The following PLA2G4A variants were observed in gnomAD, a reference collection of about 807,000 sequenced individuals.
PLA2G4A encodes the protein phospholipase A2 group IVA, also known as cytosolic phospholipase A2.
PLA2G4A carries 40 observed loss-of-function variants against 81.9 expected under a neutral mutation model. That is an observed-to-expected ratio of 0.49 (90% CI 0.38 to 0.64). PLA2G4A has a LOEUF of 0.64. Among genes scored for constraint, PLA2G4A ranks in the 30% least tolerant of loss-of-function variants. PLA2G4A has a pLI of 0.00. For synonymous variants in PLA2G4A, 302 were observed against 296.9 expected (o/e 1.02, Z -0.18); for missense variants, 715 against 905.1 (o/e 0.79, Z 2.69).
chr1:186,840,912 C>A (rs1651956207), intron 1 of PLA2G4A, among the ~76,000 whole-genome samples: 1 of 152,190 alleles, frequency 6.6e-6, no homozygotes, highest in African/African-American at 2.4e-5. Flanking sequence ...AGCATATTTG[C>A]AAAATGTCCA....
intron 3 of PLA2G4A, among the ~76,000 whole-genome samples, chr1:186,877,051 G>A (rs923566521): frequency 6.6e-6 from 1 of 151,970 alleles, no homozygotes; most frequent in Non-Finnish European, 1.5e-5. Context: ...GATATTTAGG[G>A]AAACATTATC....
chr1:186,910,574 C>T lies in PLA2G4A; in HGVS notation c.417-674C>T, dbSNP rs565217521. 8.1e-4 allele frequency among the ~76,000 whole-genome samples: 124 copies of T among 152,200 alleles called. 1 individual carries two copies. The highest frequency in any genetic ancestry group is 2.9e-3 in the African/African-American group (122 of 41,544). On this transcript the variant is annotated intron_variant, in intron 6 of 17. Coordinates refer to ENST00000367466, the MANE Select transcript of PLA2G4A (RefSeq NM_024420.3). ...TAATAATATGTAGTGATACTCCCAT[C>T]GTTCTTGCAATGATTCATACGTAAT...
intron 12 of PLA2G4A, among the ~76,000 whole-genome samples, chr1:186,947,731 A>G (rs1369505236): frequency 3.3e-5 from 5 of 152,144 alleles, no homozygotes; most frequent in Non-Finnish European, 7.4e-5. Context: ...TGGCATGCTA[A>G]ATCTGAATTT....
chr1:186,829,371 A>T (rs943330465), intron 1 of PLA2G4A, among the ~76,000 whole-genome samples: 1 of 152,184 alleles, frequency 6.6e-6, no homozygotes, highest in Admixed American at 6.5e-5. Context: ...GATGACACCC[A>T]ATGGTTACTG....
intron 1 of PLA2G4A, among the ~76,000 whole-genome samples, chr1:186,831,723 C>T (rs779353524): frequency 6.6e-6 from 1 of 152,050 alleles, no homozygotes; most frequent in Admixed American, 6.6e-5. Context: ...CCTATTATTT[C>T]CCCCAAGGTA....
chr1:186,988,393 TG>T lies in PLA2G4A; in HGVS notation c.2137del (p.Val713LeufsTer32). 1 of 1,611,990 alleles carries T rather than the reference TG, an allele frequency of 6.2e-7. No individual in the cohort carries two copies. Among genetic ancestry groups the T allele is most frequent in the Non-Finnish European group, 8.5e-7 (1 of 1,178,326 alleles). On this transcript the variant is annotated frameshift_variant, in exon 18 of 18. Transcript: ENST00000367466. LOFTEE classifies it high-confidence loss of function. ...TATTTGCAGGTGATAAAAGAAGCCA[TG>T]GTTGAAAGCATTGAATATAGAAGAC... Reference protein sequence around the residue: ...LNNIDVIKEAMVESIEYRRQN... With the variant: ...LNNIDVIKEAXVESIEYRRQN...
chr1:186,950,536 T>C (rs554241527), intron 12 of PLA2G4A, 121 bp from the exon 13 acceptor site: 2 of 593,168 alleles, frequency 3.4e-6, no homozygotes, highest in African/African-American at 3.7e-5. Context: ...GGATTTAAAT[T>C]TATACTAGTA....
At chr1:186,968,400 A>ATGTGTGTGTGTGTGTGTGTGTGTGTGTG (rs58475951) in intron 15 of PLA2G4A, among the ~76,000 whole-genome samples, 2 of 137,416 alleles carry the variant, frequency 1.5e-5, no homozygotes, top group East Asian at 2.1e-4. Flanking sequence ...CGCGGTGTGT[A>ATGTGTGTGTGTGTGTGTGTGTGTGTGTG]TGTGTGTGTG....
At chr1:186,929,284 A>G (rs994567947) in intron 7 of PLA2G4A, among the ~76,000 whole-genome samples, 9 of 152,228 alleles carry the variant, frequency 5.9e-5, no homozygotes, top group Admixed American at 5.2e-4. Context: ...CACTTGAAAA[A>G]TGAAACAAAC....
intron 4 of PLA2G4A, among the ~76,000 whole-genome samples, chr1:186,893,590 A>C (rs1654224647): frequency 6.6e-6 from 1 of 152,130 alleles, no homozygotes; most frequent in Non-Finnish European, 1.5e-5. Flanking sequence ...TAAATCAATC[A>C]GGAAAATGTG....
intron 7 of PLA2G4A, 63 bp from the exon 8 acceptor site, chr1:186,932,700 T>G (rs953935020): frequency 1.3e-6 from 2 of 1,504,416 alleles, no homozygotes; most frequent in African/African-American, 2.8e-5. Flanking sequence ...AGATTGAGAC[T>G]AAAGGGAACT....
rs576635192 is a variant in PLA2G4A, at chr1:186,872,032, G to A, written c.115+1516G>A. 2.6e-5 allele frequency among the ~76,000 whole-genome samples: 4 copies of A among 152,060 alleles called. No homozygotes were observed. In the South Asian group the frequency reaches 6.2e-4, roughly 24 times the overall value. ...TTGGTAAATGTCTGAAGCAAGGAGA[G>A]GATTGTTAGGTAGAATCTAACAGCA... is the stretch of plus-strand genomic sequence containing the variant. On this transcript the variant is annotated intron_variant, in intron 3 of 17. Transcript: ENST00000367466.
intron 2 of PLA2G4A, among the ~76,000 whole-genome samples, chr1:186,860,711 C>G (rs1228857817): frequency 6.6e-6 from 1 of 152,148 alleles, no homozygotes; most frequent in Admixed American, 6.6e-5. Context: ...CCATGCCCTG[C>G]CACAAGCCTC....
intron 7 of PLA2G4A, among the ~76,000 whole-genome samples, chr1:186,920,950 A>G (rs932799614): frequency 1.3e-5 from 2 of 152,232 alleles, no homozygotes; most frequent in Admixed American, 6.5e-5. Context: ...AACTAAGGCC[A>G]TGTTAATCAT....
intron 3 of PLA2G4A, among the ~76,000 whole-genome samples, chr1:186,888,697 G>A (rs950037208): frequency 2.0e-5 from 3 of 152,132 alleles, no homozygotes; most frequent in African/African-American, 7.2e-5. Context: ...GCTTGTGAAT[G>A]AGCAATGCCT....
At chr1:186,857,802 T>C (rs1040548325) in intron 2 of PLA2G4A, among the ~76,000 whole-genome samples, 3 of 151,940 alleles carry the variant, frequency 2.0e-5, no homozygotes, top group Non-Finnish European at 4.4e-5. Context: ...CCGCTCTGTG[T>C]CCAAGTGATC....
At chr1:186,855,383 C>T (rs1452816420) in intron 2 of PLA2G4A, among the ~76,000 whole-genome samples, 1 of 151,914 alleles carries the variant, frequency 6.6e-6, no homozygotes, top group African/African-American at 2.4e-5. Flanking sequence ...TATGCAAGCT[C>T]TTCTTTCTGT....
chr1:186,942,321 A>G (rs12090109), intron 10 of PLA2G4A, among the ~76,000 whole-genome samples: 46,445 of 152,052 alleles, frequency 0.31, 9,634 homozygotes, highest in African/African-American at 0.58. Context: ...CATGCTAGTC[A>G]GATTTTTGCA....
chr1:186,925,152 T>C (rs975321359), intron 7 of PLA2G4A, among the ~76,000 whole-genome samples: 1 of 152,208 alleles, frequency 6.6e-6, no homozygotes, highest in Non-Finnish European at 1.5e-5. Context: ...ACCTCTCTTC[T>C]GAGCTTCAGA....
Sources: gnomAD v4.1 joint callset for allele counts (sites outside exome capture counted in the v4.1 genomes callset) on GRCh38, gnomAD v4.1.1 for gene constraint, MANE v1.5 for transcripts, NCBI Gene and HGNC (gene_info 2026-07-23, HGNC 2026-07-21) for gene names.